Variants in KIAA1217 observed in about 807,000 individuals in gnomAD.
KIAA1217 encodes KIAA1217.
In KIAA1217, 88 loss-of-function variants were observed where a neutral mutation model predicts 163.9. The observed-to-expected ratio is 0.54, with a 90% CI of 0.45 to 0.64. The LOEUF is 0.64. KIAA1217 is among the 30% of genes least tolerant of loss of function. The probability of loss-of-function intolerance (pLI) is 0.00; values close to 1 mark genes in which losing one functional copy is unlikely to be tolerated. For missense variants in KIAA1217, 2,372 were observed against 2,475.0 expected (o/e 0.96, Z 0.88); for synonymous variants, 903 against 923.1 (o/e 0.98, Z 0.39).
intron 1 of KIAA1217, among the ~76,000 whole-genome samples, chr10:23,841,132 A>G (rs1050255496): frequency 1.3e-5 from 2 of 152,226 alleles, no homozygotes; most frequent in African/African-American, 2.4e-5. Flanking sequence ...GGTAAGCACT[A>G]TATATGTGAC....
intron 4 of KIAA1217, among the ~76,000 whole-genome samples, chr10:24,436,757 C>CAAAAAAAAA (rs10560676): frequency 1.3e-4 from 9 of 70,868 alleles, no homozygotes; most frequent in African/African-American, 2.3e-4. Context: ...GACTCCGTCT[C>CAAAAAAAAA]AAAAAAAAAA....
At chr10:23,749,026 A>T (rs1839586634) in intron 1 of KIAA1217, among the ~76,000 whole-genome samples, 1 of 152,146 alleles carries the variant, frequency 6.6e-6, no homozygotes, top group African/African-American at 2.4e-5. Context: ...ACCTGCTGTT[A>T]TACCACATCT....
chr10:24,532,078 G>A (rs2073205776), intron 15 of KIAA1217, 85 bp downstream of exon 15: 6 of 1,257,702 alleles, frequency 4.8e-6, no homozygotes, highest in Non-Finnish European at 6.2e-6. Context: ...AACATAAAAA[G>A]TAGTGAGGCA....
chr10:23,867,393 A>T (rs893690577), intron 1 of KIAA1217, among the ~76,000 whole-genome samples: 4 of 152,030 alleles, frequency 2.6e-5, no homozygotes, highest in Non-Finnish European at 5.9e-5. Context: ...GTCAAATGGT[A>T]TTTCTAGTTC....
At chr10:23,781,914 T>C (rs994480019) in intron 1 of KIAA1217, among the ~76,000 whole-genome samples, 1 of 152,182 alleles carries the variant, frequency 6.6e-6, no homozygotes, top group African/African-American at 2.4e-5. Flanking sequence ...CTGTATTCTG[T>C]TCCATTGGTC....
chr10:23,716,338 A>T (rs1837567747), intron 1 of KIAA1217, among the ~76,000 whole-genome samples: 1 of 152,176 alleles, frequency 6.6e-6, no homozygotes, highest in African/African-American at 2.4e-5. Flanking sequence ...TTTCTTATGC[A>T]TACATTTTGT....
intron 1 of KIAA1217, among the ~76,000 whole-genome samples, chr10:23,727,437 A>G (rs917687374): frequency 2.6e-5 from 4 of 151,888 alleles, no homozygotes; most frequent in Non-Finnish European, 5.9e-5. Flanking sequence ...GTGCACACCT[A>G]TAATCCCAGC....
At chr10:24,244,561 C>CTTTTTT (rs11318420) in intron 2 of KIAA1217, among the ~76,000 whole-genome samples, 3 of 85,270 alleles carry the variant, frequency 3.5e-5, no homozygotes, top group African/African-American at 4.5e-5. Flanking sequence ...TTCTTTCTTT[C>CTTTTTT]TTTTTTTTTT....
chr10:23,821,803 A>G (rs1174047711), intron 1 of KIAA1217, among the ~76,000 whole-genome samples: 1 of 152,206 alleles, frequency 6.6e-6, no homozygotes, highest in Non-Finnish European at 1.5e-5. Context: ...GGGTGGCTTA[A>G]GAGTCTCATG....
intron 7 of KIAA1217, 54 bp from the exon 8 acceptor site, chr10:24,495,093 A>G: frequency 6.6e-7 from 1 of 1,514,330 alleles, no homozygotes; most frequent in Non-Finnish European, 9.0e-7. Context: ...TTTAAAAAAA[A>G]AAAAAAAGGC....
At chr10:23,907,043 G>T (rs186040728) in intron 1 of KIAA1217, among the ~76,000 whole-genome samples, 1 of 152,142 alleles carries the variant, frequency 6.6e-6, no homozygotes, top group African/African-American at 2.4e-5. Flanking sequence ...CTGAGGCAGC[G>T]TACAGTCATT....
At position 24,001,312 on chromosome 10, in the gene KIAA1217, C is replaced by T. The variant is rs1589217218; in HGVS notation, c.-320-5913C>T. On this transcript the variant is annotated intron_variant, in intron 1 of 18. Coordinates refer to the KIAA1217 transcript ENST00000376462. ...GCAGCCATTCGGTGAGTTCTTATTA[C>T]ATGAATGATCAAACTGAACTATGCG... 2.6e-5 allele frequency among the ~76,000 whole-genome samples: 4 copies of T among 152,286 alleles called. No individual in the cohort carries two copies. In the Middle Eastern group the frequency reaches 0.014, roughly 518 times the overall value.
In KIAA1217 at chr10:24,216,827, CAA is replaced by C. The variant is rs199499926; in HGVS notation, c.71-2783_71-2782del. 2.7e-4 allele frequency among the ~76,000 whole-genome samples: 15 copies of C among 55,794 alleles called. No individual in the cohort carries two copies. The East Asian group carries it at 4.2e-3, about 16-fold the overall frequency. 36.6% of individuals were successfully genotyped at this position (55,794 alleles called of 152,430 possible). A position where few individuals can be genotyped will look rare whatever the true frequency, so the allele number is the denominator to read the frequency against. On this transcript the variant is annotated intron_variant, in intron 1 of 20. Transcript: ENST00000376454. ...GAGTGATGGAGTGAGACTCTGTGTCCAAAAAAAAAAAAAAAAAGGTAAAAAAT... is the reference window on the plus strand; with the variant it reads ...GAGTGATGGAGTGAGACTCTGTGTCCAAAAAAAAAAAAAAAGGTAAAAAAT...
intron 1 of KIAA1217, among the ~76,000 whole-genome samples, chr10:23,903,729 T>G (rs1842041244): frequency 2.0e-5 from 3 of 152,132 alleles, no homozygotes; most frequent in Admixed American, 2.0e-4. Context: ...CACAGCAAGG[T>G]AGGAGACAGA....
intron 3 of KIAA1217, among the ~76,000 whole-genome samples, chr10:24,387,677 C>G (rs2054203882): frequency 6.6e-6 from 1 of 152,200 alleles, no homozygotes; most frequent in South Asian, 2.1e-4. Flanking sequence ...CCCAAAATCT[C>G]CTTAAGCTGA....
chr10:23,753,280 GAC>G lies in KIAA1217; in HGVS notation c.-321+58048_-321+58049del, dbSNP rs139270578. On this transcript the variant is annotated intron_variant, in intron 1 of 18. Transcript: ENST00000376462. ...TTAAAGCTTTATAGAAAGAAAAGAT[GAC>G]ATCCTCAGTATGAGGATTAGGAGAC... 1.2e-3 allele frequency among the ~76,000 whole-genome samples: 176 copies of G among 152,306 alleles called. 12 individuals are homozygous for G. In the East Asian group the frequency reaches 0.027, roughly 24 times the overall value.
At chr10:24,337,918 C>G (rs575346870) in intron 2 of KIAA1217, among the ~76,000 whole-genome samples, 160 of 152,264 alleles carry the variant, frequency 1.1e-3, no homozygotes, top group Non-Finnish European at 1.3e-3. Flanking sequence ...GCTGGGATTC[C>G]AGGCATGAGC....
chr10:24,465,623 A>T (rs951044712), intron 5 of KIAA1217, among the ~76,000 whole-genome samples: 1 of 152,206 alleles, frequency 6.6e-6, no homozygotes, highest in African/African-American at 2.4e-5. Flanking sequence ...CTCAGAAAAC[A>T]TGATGGTAAT....
intron 1 of KIAA1217, among the ~76,000 whole-genome samples, chr10:23,743,630 T>C (rs896607604): frequency 6.6e-6 from 1 of 152,176 alleles, no homozygotes; most frequent in Admixed American, 6.5e-5. Context: ...TTGAGAGAAA[T>C]GATCAGCAGC....
Sources: allele counts gnomAD v4.1 joint callset (sites outside exome capture counted in the v4.1 genomes callset), GRCh38; gene constraint gnomAD v4.1.1; transcripts MANE v1.5; gene names NCBI Gene and HGNC (gene_info 2026-07-23, HGNC 2026-07-21).